Variants in ATF6 observed in about 807,000 individuals in gnomAD.
The protein encoded by ATF6 is activating transcription factor 6, also known as cyclic AMP-dependent transcription factor ATF-6 alpha.
ATF6 carries 53 observed loss-of-function variants against 83.6 expected under a neutral mutation model. That is an observed-to-expected ratio of 0.63 (90% confidence interval 0.51 to 0.80). The LOEUF (loss-of-function observed/expected upper bound fraction) is 0.80, where lower values mean the gene tolerates loss of function less well. Among genes scored for constraint, ATF6 ranks in the 30% least tolerant of loss-of-function variants. The pLI is 0.00. For synonymous variants in ATF6, 288 were observed against 285.8 expected (o/e 1.01, Z -0.08); for missense variants, 744 against 797.9 (o/e 0.93, Z 0.81).
At chr1:161,874,836 T>C (rs561633000) in intron 14 of ATF6, among the ~76,000 whole-genome samples, 1 of 151,900 alleles carries the variant, frequency 6.6e-6, no homozygotes, top group South Asian at 2.1e-4. Flanking sequence ...CACAGCCATG[T>C]AGGCAGACAT....
At chr1:161,894,787 T>C (rs1687641041) in intron 14 of ATF6, among the ~76,000 whole-genome samples, 1 of 149,054 alleles carries the variant, frequency 6.7e-6, no homozygotes, top group African/African-American at 2.5e-5. Flanking sequence ...CTTGACCTCG[T>C]GAGCCACCCG....
intron 1 of ATF6, among the ~76,000 whole-genome samples, chr1:161,774,942 C>T (rs1684480298): frequency 6.6e-6 from 1 of 152,160 alleles, no homozygotes; most frequent in South Asian, 2.1e-4. Flanking sequence ...TTTTATTCGA[C>T]AAGATGATCC....
intron 15 of ATF6, among the ~76,000 whole-genome samples, chr1:161,934,449 C>G (rs1024146966): frequency 6.6e-6 from 1 of 152,164 alleles, no homozygotes; most frequent in Non-Finnish European, 1.5e-5. Flanking sequence ...GCCTGAGACT[C>G]CTTCCAATCC....
intron 9 of ATF6, among the ~76,000 whole-genome samples, chr1:161,826,120 C>T (rs1378066833): frequency 6.6e-6 from 1 of 152,076 alleles, no homozygotes; most frequent in African/African-American, 2.4e-5. Flanking sequence ...TAACCAGTAA[C>T]GCTGCTAGTG....
At chr1:161,884,804 T>C (rs1378178600) in intron 14 of ATF6, among the ~76,000 whole-genome samples, 2 of 152,164 alleles carry the variant, frequency 1.3e-5, no homozygotes, top group African/African-American at 4.8e-5. Flanking sequence ...CAGGTAGTCA[T>C]TTTAAATTAA....
intron 7 of ATF6, among the ~76,000 whole-genome samples, chr1:161,813,711 A>G (rs1229827398): frequency 6.6e-6 from 1 of 152,178 alleles, no homozygotes; most frequent in Non-Finnish European, 1.5e-5. Context: ...ACTAATATGT[A>G]AATACACCCT....
At chr1:161,870,940 T>A (rs540699023) in intron 14 of ATF6, among the ~76,000 whole-genome samples, 11 of 151,902 alleles carry the variant, frequency 7.2e-5, no homozygotes, top group African/African-American at 2.2e-4. Flanking sequence ...AATGTGTTTT[T>A]CATATGCATT....
chr1:161,837,600 G>A (rs2101808560), intron 9 of ATF6, among the ~76,000 whole-genome samples: 1 of 149,242 alleles, frequency 6.7e-6, no homozygotes, highest in South Asian at 2.1e-4. Context: ...TCAATTACTT[G>A]CTTTTATTTT....
At chr1:161,892,175 A>G (rs1239675873) in intron 14 of ATF6, 1 of 152,168 alleles carries the variant, frequency 6.6e-6, no homozygotes, top group Non-Finnish European at 1.5e-5. Flanking sequence ...TTGAAATAAA[A>G]CTTGGTTATA....
At chr1:161,893,829 A>C (rs1208529071) in intron 14 of ATF6, among the ~76,000 whole-genome samples, 1 of 152,198 alleles carries the variant, frequency 6.6e-6, no homozygotes, top group Non-Finnish European at 1.5e-5. Flanking sequence ...TCTGTTCCTC[A>C]CATAATATAA....
chr1:161,844,692 G>A (rs147704760), intron 9 of ATF6, among the ~76,000 whole-genome samples: 3 of 152,064 alleles, frequency 2.0e-5, no homozygotes, highest in Admixed American at 2.0e-4. Context: ...AGAATTTTTG[G>A]CACCATGCTT....
chr1:161,805,558 C>A (rs916510466), intron 7 of ATF6, among the ~76,000 whole-genome samples: 3 of 148,940 alleles, frequency 2.0e-5, no homozygotes, highest in African/African-American at 7.3e-5. Context: ...AGCAGCAGGC[C>A]AACCCACTCA....
chr1:161,824,644 A>T (rs1685848859), intron 9 of ATF6, among the ~76,000 whole-genome samples: 1 of 152,250 alleles, frequency 6.6e-6, no homozygotes, highest in South Asian at 2.1e-4. Flanking sequence ...AAATACTTGT[A>T]GTATGAATGA....
intron 15 of ATF6, among the ~76,000 whole-genome samples, chr1:161,943,821 C>T (rs755342089): frequency 2.0e-5 from 3 of 152,212 alleles, no homozygotes; most frequent in Admixed American, 6.5e-5. Flanking sequence ...GTCATATCCA[C>T]CTTCCATGCT....
chr1:161,960,468 A>C lies in ATF6; in HGVS notation c.*1814A>C, dbSNP rs1689074424. 1 of 152,238 alleles carries C rather than the reference A, an allele frequency of 6.6e-6. No homozygotes were observed. The highest frequency in any genetic ancestry group is 1.5e-5 in the Non-Finnish European group (1 of 68,050). The allele number at this position is 152,238 out of a possible 1,614,324, so 9.4% of individuals were successfully genotyped here. On this transcript the variant is annotated 3_prime_UTR_variant, in exon 16 of 16. Coordinates refer to ENST00000367942, the MANE Select transcript of ATF6 (RefSeq NM_007348.4). ...CCTGTGAAATTAGGTCTGGCTCCTA[A>C]ATAATTTTAAAGAACCATCAGCACT...
At chr1:161,794,769 A>G (rs927339000) in intron 6 of ATF6, among the ~76,000 whole-genome samples, 1 of 152,194 alleles carries the variant, frequency 6.6e-6, no homozygotes, top group Non-Finnish European at 1.5e-5. Flanking sequence ...GCCTACTTCT[A>G]CTTCTCAGTC....
intron 9 of ATF6, among the ~76,000 whole-genome samples, chr1:161,843,834 T>C (rs577939306): frequency 6.6e-6 from 1 of 152,324 alleles, no homozygotes; most frequent in South Asian, 2.1e-4. Flanking sequence ...GATGGCATGC[T>C]GATACTTTCT....
chr1:161,866,565 T>C (rs1026757663), intron 14 of ATF6, among the ~76,000 whole-genome samples: 5 of 152,226 alleles, frequency 3.3e-5, no homozygotes, highest in Non-Finnish European at 7.3e-5. Flanking sequence ...GTTCCAGTTA[T>C]TTGTAGCTTA....
chr1:161,899,196 A>G (rs1178914413), intron 14 of ATF6, among the ~76,000 whole-genome samples: 2 of 152,214 alleles, frequency 1.3e-5, no homozygotes, highest in African/African-American at 4.8e-5. Flanking sequence ...TCATATCACA[A>G]TAATATAAAT....
Sources: allele counts gnomAD v4.1 joint callset (sites outside exome capture counted in the v4.1 genomes callset), GRCh38; gene constraint gnomAD v4.1.1; transcripts MANE v1.5; gene names NCBI Gene and HGNC (gene_info 2026-07-23, HGNC 2026-07-21).